AFAP1: variants seen among roughly 807,000 people sequenced by gnomAD.
The protein encoded by AFAP1 is actin filament-associated protein 1.
Under a neutral mutation model 93.9 loss-of-function variants are expected in AFAP1, and 75 were observed. The ratio of observed to expected loss-of-function variants is 0.80; its 90% CI spans 0.66 to 0.97. AFAP1 has a LOEUF of 0.97. AFAP1 is among the 50% of genes least tolerant of loss of function. The probability of loss-of-function intolerance (pLI) is 0.00; values close to 1 mark genes in which losing one functional copy is unlikely to be tolerated. For synonymous variants in AFAP1, 517 were observed against 430.7 expected (o/e 1.20, Z -2.48); for missense variants, 1,201 against 1,050.8 (o/e 1.14, Z -1.98).
chr4:7,808,451 A>G (rs1321906475), intron 9 of AFAP1, among the ~76,000 whole-genome samples: 1 of 151,798 alleles, frequency 6.6e-6, no homozygotes, highest in Non-Finnish European at 1.5e-5. Context: ...TTTTGCTACC[A>G]GACTGGAAGC....
intron 1 of AFAP1, among the ~76,000 whole-genome samples, chr4:7,893,482 G>A (rs28375300): frequency 0.31 from 46,928 of 150,550 alleles, 8,913 homozygotes; most frequent in Non-Finnish European, 0.44. Flanking sequence ...TTGGGAGGCT[G>A]AGGCAGGAGA....
chr4:7,841,432 C>G (rs939251543), intron 5 of AFAP1, among the ~76,000 whole-genome samples: 1 of 152,212 alleles, frequency 6.6e-6, no homozygotes, highest in African/African-American at 2.4e-5. Flanking sequence ...AGTCCTGAAG[C>G]GGGAATCTAG....
At chr4:7,849,584 G>A (rs1577292207) in intron 4 of AFAP1, among the ~76,000 whole-genome samples, 1 of 152,266 alleles carries the variant, frequency 6.6e-6, no homozygotes, top group East Asian at 1.9e-4. Context: ...CAATGATGAA[G>A]TATGGCTACT....
chr4:7,910,658 G>A (rs1200362536), intron 1 of AFAP1, among the ~76,000 whole-genome samples: 2 of 152,184 alleles, frequency 1.3e-5, no homozygotes, highest in African/African-American at 2.4e-5. Context: ...CCGTTCACCC[G>A]TGCCACGAGC....
chr4:7,799,425 C>T lies in AFAP1; in HGVS notation c.1266+1017G>A, dbSNP rs564852513. On this transcript the variant is annotated intron_variant, in intron 10 of 17. Coordinates refer to ENST00000420658, the MANE Select transcript of AFAP1 (RefSeq NM_001134647.2). ...CAGAAAGACTGCCTGACTGGGCAGC[C>T]GTGGCTTAGGTCGCAGCCCCAGGCA... Among the ~76,000 whole-genome samples the T allele has an allele frequency of 2.6e-4, 39 of 152,250 alleles. 1 individual carries two copies. Among genetic ancestry groups the T allele is most frequent in the African/African-American group, 9.4e-4 (39 of 41,542 alleles).
At chr4:7,872,230 C>T in intron 1 of AFAP1, 150 bp from the exon 2 acceptor site, 2 of 932,654 alleles carry the variant, frequency 2.1e-6, no homozygotes, top group Non-Finnish European at 3.1e-6. Context: ...GAAAGCAGGT[C>T]CACTAAAAGA....
chr4:7,793,157 G>A (rs903998806), intron 11 of AFAP1, among the ~76,000 whole-genome samples: 1 of 125,008 alleles, frequency 8.0e-6, no homozygotes, highest in African/African-American at 3.0e-5. Context: ...ATAGATGACT[G>A]CAGCATTTTT....
intron 5 of AFAP1, among the ~76,000 whole-genome samples, chr4:7,840,263 T>TGTGTGTGTGTGTGTGC (rs1553844305): frequency 0.016 from 513 of 31,598 alleles, 6 homozygotes; most frequent in Admixed American, 0.071. Flanking sequence ...GTTTTTGGGA[T>TGTGTGTGTGTGTGTGC]GTGTGTGTGT....
intron 1 of AFAP1, among the ~76,000 whole-genome samples, chr4:7,911,765 A>G (rs1417491515): frequency 6.6e-6 from 1 of 152,228 alleles, no homozygotes; most frequent in Non-Finnish European, 1.5e-5. Flanking sequence ...TGATATTAAA[A>G]TGCAGACAGC....
At chr4:7,809,311 G>C (rs1305946687) in intron 9 of AFAP1, 1 of 188,922 alleles carries the variant, frequency 5.3e-6, no homozygotes, top group Non-Finnish European at 1.1e-5. Flanking sequence ...AGCAGCCCCT[G>C]CGTATGTTGT....
chr4:7,778,985 C>G (rs2269877), intron 13 of AFAP1, 109 bp from the exon 14 acceptor site: 107,419 of 839,158 alleles, frequency 0.13, 7,982 homozygotes, highest in East Asian at 0.28. Flanking sequence ...ATTGTAGAAA[C>G]TGGCATAGAT....
chr4:7,892,233 A>T (rs1718514073), intron 1 of AFAP1, among the ~76,000 whole-genome samples: 1 of 152,182 alleles, frequency 6.6e-6, no homozygotes, highest in Non-Finnish European at 1.5e-5. Context: ...ATTTCTAAGT[A>T]CAGAAGCATC....
At chr4:7,933,019 CAAA>C (rs11369145) in intron 1 of AFAP1, among the ~76,000 whole-genome samples, 1 of 51,084 alleles carries the variant, frequency 2.0e-5, no homozygotes. Flanking sequence ...GACTCCCTCT[CAAA>C]AAAAAAAAAA....
intron 6 of AFAP1, among the ~76,000 whole-genome samples, chr4:7,827,611 G>A (rs958038783): frequency 3.7e-5 from 5 of 136,546 alleles, no homozygotes; most frequent in Non-Finnish European, 6.3e-5. Flanking sequence ...AGAAAAATGA[G>A]GCAAGAGAGG....
Position 7,831,037 on chromosome 4 carries a change from T to C in AFAP1, c.726+7487A>G, listed in dbSNP as rs184581298. On this transcript the variant is annotated intron_variant, in intron 6 of 17. Coordinates refer to ENST00000420658, the MANE Select transcript of AFAP1 (RefSeq NM_001134647.2). ...TTTAGACCTTAAAAGGATATAAAAA[T>C]AATACAAAGTAAAAAGGGAAAAAAA... Among the ~76,000 whole-genome samples, 419 of 152,230 alleles carry C rather than the reference T, an allele frequency of 2.8e-3. 3 individuals are homozygous for C. The highest frequency in any genetic ancestry group is 9.7e-3 in the African/African-American group (402 of 41,536).
intron 1 of AFAP1, among the ~76,000 whole-genome samples, chr4:7,930,957 G>A (rs1721032761): frequency 6.6e-6 from 1 of 152,182 alleles, no homozygotes; most frequent in African/African-American, 2.4e-5. Context: ...TCACTGTGTT[G>A]GCCAGGCTGG....
rs1713391945 is a variant in AFAP1 at position 7,758,978 on chromosome 4, T to A, written c.*4787A>T. On this transcript the variant is annotated 3_prime_UTR_variant, in exon 18 of 18. Coordinates refer to ENST00000420658, the MANE Select transcript of AFAP1 (RefSeq NM_001134647.2). ...GTGGGCACTACTAACATATTTAATT[T>A]AAAAAAATCTTTGCTGTTTCTTTGC... The A allele has an allele frequency of 6.6e-6, 1 of 152,466 alleles. No individual in the cohort carries two copies. Among genetic ancestry groups the A allele is most frequent in the African/African-American group, 2.4e-5 (1 of 41,458 alleles). The allele number at this position is 152,466 out of a possible 1,614,324, so 9.4% of individuals were successfully genotyped here. A position where few individuals can be genotyped will look rare whatever the true frequency, so the allele number is the denominator to read the frequency against.
At chr4:7,881,326 C>T (rs1453577037) in intron 1 of AFAP1, among the ~76,000 whole-genome samples, 1 of 152,114 alleles carries the variant, frequency 6.6e-6, no homozygotes, top group Non-Finnish European at 1.5e-5. Context: ...TCCTGCCAGG[C>T]ACCCCCACAT....
At chr4:7,831,892 G>C (rs1711665926) in intron 6 of AFAP1, among the ~76,000 whole-genome samples, 1 of 152,166 alleles carries the variant, frequency 6.6e-6, no homozygotes, top group South Asian at 2.1e-4. Context: ...CGGAAGGGAT[G>C]GCACTATGGT....
Sources: gnomAD v4.1 joint callset for allele counts (sites outside exome capture counted in the v4.1 genomes callset) on GRCh38, gnomAD v4.1.1 for gene constraint, MANE v1.5 for transcripts, NCBI Gene and HGNC (gene_info 2026-07-23, HGNC 2026-07-21) for gene names.